Variants in SKP1 observed in about 807,000 individuals in gnomAD.
The protein encoded by SKP1 is S-phase kinase associated protein 1.
A neutral mutation model predicts 21.5 loss-of-function variants in SKP1; 1 was observed. That is an observed-to-expected ratio of 0.05 (90% CI 0.02 to 0.22). SKP1 has a LOEUF of 0.22. SKP1 is among the 10% of genes least tolerant of loss of function. The pLI is 1.00. For synonymous variants in SKP1, 59 were observed against 59.3 expected (o/e 0.99, Z 0.03); for missense variants, 70 against 192.0 (o/e 0.36, Z 3.76).
chr5:134,157,339 TTTG>T lies in SKP1; in HGVS notation c.*391_*393del. On this transcript the variant is annotated 3_prime_UTR_variant, in exon 6 of 6. Coordinates refer to ENST00000353411, the MANE Select transcript of SKP1 (RefSeq NM_170679.3). ...TCCAACTCATGAATAAAGATAATAT[TTTG>T]TTAATTCTATTCCAGAAAACTTTTT... is the stretch of plus-strand genomic sequence containing the variant. 1 of 189,248 alleles carries T rather than the reference TTTG, an allele frequency of 5.3e-6. No homozygotes were observed. Among genetic ancestry groups the T allele is most frequent in the Admixed American group, 5.5e-5 (1 of 18,154 alleles). 11.7% of individuals were successfully genotyped at this position (189,248 alleles called of 1,614,324 possible).
chr5:134,170,814 C>G (rs986821795), intron 2 of SKP1: 20 of 272,006 alleles, frequency 7.4e-5, no homozygotes, highest in Middle Eastern at 9.7e-4. Flanking sequence ...TTGGCAAATG[C>G]TTCCTTGAAG....
chr5:134,160,817 T>C (rs1437759466), intron 4 of SKP1, among the ~76,000 whole-genome samples, 170 bp downstream of exon 4: 1 of 152,226 alleles, frequency 6.6e-6, no homozygotes, highest in African/African-American at 2.4e-5. Context: ...CTTTTAACTG[T>C]GTTTAGACCA....
intron 1 of SKP1, chr5:134,174,451 G>T: frequency 1.0e-6 from 1 of 992,048 alleles, no homozygotes; most frequent in African/African-American, 1.7e-5. Flanking sequence ...TTTCCCCACA[G>T]TGAGTCCTAC....
Position 134,154,202 on chromosome 5 carries a change from C to T in SKP1, c.*3531G>A, listed in dbSNP as rs898916018. On this transcript the variant is annotated 3_prime_UTR_variant, in exon 6 of 6. Transcript: ENST00000353411. Reference sequence around the variant, plus strand: ...GTGGGTCACACGTGTAACCTCAGCACTTTCGGAGGCTAAGGCGGGCGGATC... The same window carrying T: ...GTGGGTCACACGTGTAACCTCAGCATTTTCGGAGGCTAAGGCGGGCGGATC... 6.6e-6 allele frequency: 1 copy of T among 151,994 alleles called. No homozygotes were observed. The highest frequency in any genetic ancestry group is 6.6e-5 in the Admixed American group (1 of 15,264). The allele number at this position is 151,994 out of a possible 1,614,324, so 9.4% of individuals were successfully genotyped here. A position where few individuals can be genotyped will look rare whatever the true frequency, so the allele number is the denominator to read the frequency against.
chr5:134,151,504 AT>A lies in SKP1; in HGVS notation c.*6228del, dbSNP rs144001465. On this transcript the variant is annotated 3_prime_UTR_variant, in exon 6 of 6. Transcript: ENST00000353411. ...TTCAGGAAAGAAAGGACAAATAAGA[AT>A]TTTCACCAGATAGGTGGGAGGTATT... 2,831 of 327,064 alleles carry A rather than the reference AT, an allele frequency of 8.7e-3. 84 individuals carry two copies. Among genetic ancestry groups the A allele is most frequent in the African/African-American group, 0.057 (2,625 of 46,454 alleles). The allele number at this position is 327,064 out of a possible 1,614,324, so 20.3% of individuals were successfully genotyped here. A position where few individuals can be genotyped will look rare whatever the true frequency, so the allele number is the denominator to read the frequency against.
At chr5:134,167,094 A>G (rs1327669757) in intron 3 of SKP1, 76 bp downstream of exon 3, 1 of 729,580 alleles carries the variant, frequency 1.4e-6, no homozygotes, top group Non-Finnish European at 2.4e-6. Flanking sequence ...TCTAACATAG[A>G]TTGTTGAATT....
At chr5:134,162,219 G>A (rs1184651150) in intron 3 of SKP1, among the ~76,000 whole-genome samples, 2 of 152,054 alleles carry the variant, frequency 1.3e-5, no homozygotes, top group Admixed American at 6.6e-5. Context: ...TCCCACCTCA[G>A]CCTCCCAAGT....
rs990087242 is a variant in SKP1, at chr5:134,155,666, T to C, written c.*2067A>G. The C allele has an allele frequency of 1.3e-5, 2 of 152,236 alleles. No individual in the cohort carries two copies. The highest frequency in any genetic ancestry group is 2.1e-4 in the South Asian group (1 of 4,832). The allele number at this position is 152,236 out of a possible 1,614,324, so 9.4% of individuals were successfully genotyped here. On this transcript the variant is annotated 3_prime_UTR_variant, in exon 6 of 6. Transcript: ENST00000353411. ...TAATTCTAACTACTGCTGAGTATTA[T>C]ACAGATCAAGTGGTAATAACAAGCT...
At chr5:134,165,531 A>G (rs991001686) in intron 3 of SKP1, among the ~76,000 whole-genome samples, 2 of 150,472 alleles carry the variant, frequency 1.3e-5, no homozygotes, top group Non-Finnish European at 2.9e-5. Context: ...CAGAGGTTGC[A>G]GTGAGCTGAG....
At chr5:134,158,088 T>C in intron 5 of SKP1, 4 of 1,421,202 alleles carry the variant, frequency 2.8e-6, no homozygotes, top group African/African-American at 2.8e-5. Flanking sequence ...TATTCTTTCA[T>C]TTCCTCCCCT....
Position 134,157,680 on chromosome 5 carries a change from G to A in SKP1, c.*53C>T. 1.5e-6 allele frequency: 2 copies of A among 1,371,500 alleles called. No homozygotes were observed. Among genetic ancestry groups the A allele is most frequent in the Non-Finnish European group, 2.1e-6 (2 of 959,908 alleles). The allele number at this position is 1,371,500 out of a possible 1,614,324, so 85.0% of individuals were successfully genotyped here. On this transcript the variant is annotated 3_prime_UTR_variant, in exon 6 of 6. Transcript: ENST00000353411. Reference sequence around the variant, plus strand: ...TATTAACAATTATAAACAGAGCAGTGCAACTAGTATTTGGAACAATCCTTA... The same window carrying A: ...TATTAACAATTATAAACAGAGCAGTACAACTAGTATTTGGAACAATCCTTA...
intron 4 of SKP1, among the ~76,000 whole-genome samples, chr5:134,159,486 T>C (rs1761180046): frequency 6.6e-6 from 1 of 152,122 alleles, no homozygotes; most frequent in South Asian, 2.1e-4. Context: ...GTTCAGCCAA[T>C]TCTCTTGCTT....
chr5:134,172,651 G>C (rs1761464169), intron 2 of SKP1, among the ~76,000 whole-genome samples: 1 of 151,944 alleles, frequency 6.6e-6, no homozygotes. Flanking sequence ...GGGGTGCCGA[G>C]GTGGGAGGAT....
Position 134,173,830 on chromosome 5 carries a change from G to T in SKP1, c.97+96C>A, listed in dbSNP as rs756840807. 2.0e-4 allele frequency: 155 copies of T among 780,696 alleles called. No individual in the cohort carries two copies. The highest frequency in any genetic ancestry group is 3.8e-4 in the Admixed American group (21 of 55,704). The allele number at this position is 780,696 out of a possible 1,614,324, so 48.4% of individuals were successfully genotyped here. ...AAACTTTACCTCTTCATACTCTCAAGCACCTTATGACAGGCTGCTGCTCAT... is the reference window on the plus strand; with the variant it reads ...AAACTTTACCTCTTCATACTCTCAATCACCTTATGACAGGCTGCTGCTCAT... On this transcript the variant is annotated intron_variant, in intron 2 of 5. Coordinates refer to ENST00000353411, the MANE Select transcript of SKP1 (RefSeq NM_170679.3).
At position 134,155,284 on chromosome 5, in the gene SKP1, T is replaced by TCA. The variant is rs1284653953; in HGVS notation, c.*2447_*2448dup. 1 of 152,168 alleles carries TCA rather than the reference T, an allele frequency of 6.6e-6. No individual in the cohort carries two copies. Among genetic ancestry groups the TCA allele is most frequent in the Non-Finnish European group, 1.5e-5 (1 of 68,044 alleles). 9.4% of individuals were successfully genotyped at this position (152,168 alleles called of 1,614,324 possible). ...TACTGTGATAATGAGAAAGGACCACTCACTCCAGGTGAAAGCCTAGAAAAG... is the reference window on the plus strand; with the variant it reads ...TACTGTGATAATGAGAAAGGACCACTCACACTCCAGGTGAAAGCCTAGAAAAG... On this transcript the variant is annotated 3_prime_UTR_variant, in exon 6 of 6. Coordinates refer to ENST00000353411, the MANE Select transcript of SKP1 (RefSeq NM_170679.3).
chr5:134,173,670 G>C, intron 2 of SKP1: 1 of 555,094 alleles, frequency 1.8e-6, no homozygotes, highest in South Asian at 1.6e-5. Flanking sequence ...CATTGCCTAA[G>C]GCTTGGCAAT....
At chr5:134,168,537 A>T (rs1376843752) in intron 2 of SKP1, among the ~76,000 whole-genome samples, 1 of 152,192 alleles carries the variant, frequency 6.6e-6, no homozygotes, top group Non-Finnish European at 1.5e-5. Context: ...TATATGAGGA[A>T]CAGTTAACAA....
rs1761127154 is a variant in SKP1, at chr5:134,156,727, T to C, written c.*1006A>G. 6.6e-6 allele frequency: 1 copy of C among 152,294 alleles called. No individual in the cohort carries two copies. The highest frequency in any genetic ancestry group is 6.5e-5 in the Admixed American group (1 of 15,274). 9.4% of individuals were successfully genotyped at this position (152,294 alleles called of 1,614,324 possible). A position where few individuals can be genotyped will look rare whatever the true frequency, so the allele number is the denominator to read the frequency against. Reference sequence around the variant, plus strand: ...TCCAGTTAGGCATATAAATGACAATTAGAAGGGACAGAAGTTATGGTTATG... The same window carrying C: ...TCCAGTTAGGCATATAAATGACAATCAGAAGGGACAGAAGTTATGGTTATG... On this transcript the variant is annotated 3_prime_UTR_variant, in exon 6 of 6. Coordinates refer to ENST00000353411, the MANE Select transcript of SKP1 (RefSeq NM_170679.3).
intron 3 of SKP1, among the ~76,000 whole-genome samples, chr5:134,163,305 C>A (rs1258795080): frequency 2.0e-5 from 3 of 149,816 alleles, no homozygotes; most frequent in Admixed American, 6.6e-5. Flanking sequence ...GAAACTAATG[C>A]CTAGGTTCAC....
Sources: gnomAD v4.1 joint callset for allele counts (sites outside exome capture counted in the v4.1 genomes callset) on GRCh38, gnomAD v4.1.1 for gene constraint, MANE v1.5 for transcripts, NCBI Gene and HGNC (gene_info 2026-07-23, HGNC 2026-07-21) for gene names.